TANGO6: variants seen among roughly 807,000 people sequenced by gnomAD.
The protein encoded by TANGO6 is transport and Golgi organization protein 6 homolog.
TANGO6 carries 90 observed loss-of-function variants against 114.2 expected under a neutral mutation model. The ratio of observed to expected loss-of-function variants is 0.79; its 90% CI spans 0.66 to 0.94. The LOEUF (loss-of-function observed/expected upper bound fraction) is 0.94, where lower values mean the gene tolerates loss of function less well. Among genes scored for constraint, TANGO6 ranks in the 40% least tolerant of loss-of-function variants. The pLI is 0.00. For synonymous variants in TANGO6, 477 were observed against 509.8 expected (o/e 0.94, Z 0.87); for missense variants, 1,274 against 1,315.3 (o/e 0.97, Z 0.49).
At chr16:69,057,678 C>T (rs1960053733) in intron 17 of TANGO6, among the ~76,000 whole-genome samples, 1 of 152,130 alleles carries the variant, frequency 6.6e-6, no homozygotes, top group Non-Finnish European at 1.5e-5. Flanking sequence ...ATCCCAGAAA[C>T]CATGAAATCC....
At chr16:68,972,354 A>T (rs571207566) in intron 14 of TANGO6, among the ~76,000 whole-genome samples, 2 of 152,208 alleles carry the variant, frequency 1.3e-5, no homozygotes, top group East Asian at 3.9e-4. Flanking sequence ...TGTGGATGTG[A>T]TTTAGAAGAG....
chr16:69,072,965 GAA>G (rs772900105), intron 17 of TANGO6, among the ~76,000 whole-genome samples: 6 of 125,910 alleles, frequency 4.8e-5, no homozygotes, highest in African/African-American at 5.9e-5. Context: ...CCTCTAAAAG[GAA>G]AAAAAAAAAA....
At position 68,867,178 on chromosome 16, in the gene TANGO6, G is replaced by A. The variant is rs868819991; in HGVS notation, c.952G>A (p.Gly318Ser). ...LLSERLMRPN[G>S]VQAVVRGILE... ...CTCTGAAAGGTTAATGAGACCTAAT[G>A]GTGTTCAGGCAGTAGTCCGGGGCAT... is the stretch of plus-strand genomic sequence containing the variant. Residue 318 changes from glycine (G) to serine (S), a missense_variant, in exon 4 of 18, where the codon GGT becomes AGT. Coordinates refer to ENST00000261778, the MANE Select transcript of TANGO6 (RefSeq NM_024562.2). 3.1e-6 allele frequency: 5 copies of A among 1,613,696 alleles called. No homozygotes were observed. In the African/African-American group the frequency reaches 5.3e-5, roughly 17 times the overall value.
chr16:69,069,557 C>G (rs1960266126), intron 17 of TANGO6, among the ~76,000 whole-genome samples: 2 of 152,152 alleles, frequency 1.3e-5, no homozygotes, highest in Admixed American at 1.3e-4. Flanking sequence ...TCTGCCAGGA[C>G]AATCTCCAGC....
intron 14 of TANGO6, among the ~76,000 whole-genome samples, chr16:68,936,823 C>A (rs1018908403): frequency 5.4e-5 from 8 of 149,170 alleles, no homozygotes; most frequent in Admixed American, 1.3e-4. Flanking sequence ...AAAAAAAAAA[C>A]CACCTGGGCT....
At chr16:68,945,776 C>G (rs1963408214) in intron 14 of TANGO6, among the ~76,000 whole-genome samples, 1 of 151,944 alleles carries the variant, frequency 6.6e-6, no homozygotes, top group African/African-American at 2.4e-5. Flanking sequence ...ACCTCCACCT[C>G]CCAGGTTCAA....
intron 14 of TANGO6, among the ~76,000 whole-genome samples, chr16:68,951,168 T>A (rs981071849): frequency 6.6e-6 from 1 of 151,732 alleles, no homozygotes; most frequent in Admixed American, 6.6e-5. Flanking sequence ...ATAAAAATTT[T>A]AAAAATTAGC....
rs552694777 is a variant in TANGO6, at chr16:68,982,040, A to G, written c.2842+7872A>G. Among the ~76,000 whole-genome samples, 11 of 152,312 alleles carry G rather than the reference A, an allele frequency of 7.2e-5. No homozygotes were observed. In the South Asian group the frequency reaches 2.1e-3, roughly 29 times the overall value. On this transcript the variant is annotated intron_variant, in intron 15 of 17. Transcript: ENST00000261778. ...TGGGGAGGGGATTATTATGGCATGT[A>G]GTAGACGCCCAGGATACTACCAGGC... is the stretch of plus-strand genomic sequence containing the variant.
chr16:68,872,819 C>T (rs1231675374), intron 4 of TANGO6, among the ~76,000 whole-genome samples: 1 of 151,868 alleles, frequency 6.6e-6, no homozygotes, highest in African/African-American at 2.4e-5. Flanking sequence ...GCCTCAGCTT[C>T]CCGAGTAGCT....
At chr16:68,947,301 A>G (rs1253639831) in intron 14 of TANGO6, among the ~76,000 whole-genome samples, 3 of 152,002 alleles carry the variant, frequency 2.0e-5, no homozygotes, top group Non-Finnish European at 4.4e-5. Context: ...TAAAATTACA[A>G]AAATTGGCCA....
At chr16:68,990,279 C>T (rs1184969495) in intron 15 of TANGO6, among the ~76,000 whole-genome samples, 2 of 152,318 alleles carry the variant, frequency 1.3e-5, no homozygotes, top group South Asian at 4.2e-4. Flanking sequence ...AATGGACTGA[C>T]AGTTCCACAT....
rs774018162 is a variant in TANGO6, at chr16:68,927,686, C to G, written c.2246C>G (p.Ser749Cys). The G allele has an allele frequency of 6.2e-7, 1 of 1,614,018 alleles. No homozygotes were observed. The highest frequency in any genetic ancestry group is 8.5e-7 in the Non-Finnish European group (1 of 1,179,894). The change falls in exon 13 of 18, where the codon TCT (serine) becomes TGT (cysteine). Residue 749 changes from serine (S) to cysteine (C), a missense_variant. Transcript: ENST00000261778. Reference sequence around the variant, plus strand: ...GCTGTTGATCTCCGCATCACCATCTCTACCCATGGAGCCTTTGCCACTGAG... The same window carrying G: ...GCTGTTGATCTCCGCATCACCATCTGTACCCATGGAGCCTTTGCCACTGAG... ...ELAVDLRITI[S>C]THGAFATEAV...
At chr16:68,855,753 CG>C (rs894289142) in intron 1 of TANGO6, among the ~76,000 whole-genome samples, 5 of 151,646 alleles carry the variant, frequency 3.3e-5, no homozygotes, top group Non-Finnish European at 7.4e-5. Flanking sequence ...AGCATTATTA[CG>C]GGTGCCTGTA....
chr16:68,913,381 A>G (rs1321260128), intron 11 of TANGO6, among the ~76,000 whole-genome samples: 2 of 149,980 alleles, frequency 1.3e-5, no homozygotes, highest in Admixed American at 6.7e-5. Context: ...GAAGCACACT[A>G]CTATACCTCA....
At chr16:69,051,219 C>T (rs1469621897) in intron 17 of TANGO6, among the ~76,000 whole-genome samples, 1 of 152,124 alleles carries the variant, frequency 6.6e-6, no homozygotes, top group Admixed American at 6.5e-5. Context: ...CCATTTTCCA[C>T]TTGTTTTGTT....
chr16:68,891,238 G>C (rs1005634655), intron 7 of TANGO6, among the ~76,000 whole-genome samples: 1 of 149,830 alleles, frequency 6.7e-6, no homozygotes, highest in African/African-American at 2.5e-5. Flanking sequence ...GTTGCAGTAG[G>C]CCGAGATCGC....
At chr16:69,049,030 C>T (rs2152236637) in intron 17 of TANGO6, among the ~76,000 whole-genome samples, 1 of 152,306 alleles carries the variant, frequency 6.6e-6, no homozygotes, top group African/African-American at 2.4e-5. Flanking sequence ...TCAATAGCAC[C>T]AGAGCCCCCT....
At chr16:69,021,051 A>G (rs1355082263) in intron 15 of TANGO6, among the ~76,000 whole-genome samples, 2 of 152,028 alleles carry the variant, frequency 1.3e-5, no homozygotes, top group African/African-American at 4.8e-5. Flanking sequence ...CTGGACATAC[A>G]TGGTACCCAA....
chr16:68,913,718 T>G (rs1243658629), intron 11 of TANGO6, among the ~76,000 whole-genome samples: 1 of 151,960 alleles, frequency 6.6e-6, no homozygotes, highest in Non-Finnish European at 1.5e-5. Flanking sequence ...CTAAATTTTT[T>G]TTTTGAAAAG....
Sources: gnomAD v4.1 joint callset for allele counts (sites outside exome capture counted in the v4.1 genomes callset) on GRCh38, gnomAD v4.1.1 for gene constraint, MANE v1.5 for transcripts, NCBI Gene and HGNC (gene_info 2026-07-23, HGNC 2026-07-21) for gene names.